RNF130: variants seen among roughly 807,000 people sequenced by gnomAD.
RNF130 encodes ring finger protein 130, also known as E3 ubiquitin-protein ligase RNF130.
In RNF130, 21 loss-of-function variants were observed where a neutral mutation model predicts 44.6. That is an observed-to-expected ratio of 0.47 (90% confidence interval 0.33 to 0.68). The LOEUF (loss-of-function observed/expected upper bound fraction) is 0.68, where lower values mean the gene tolerates loss of function less well. RNF130 is among the 30% of genes least tolerant of loss of function. The pLI, the probability that RNF130 is intolerant of heterozygous loss-of-function variation, is 0.02. For synonymous variants in RNF130, 214 were observed against 210.4 expected, an observed-to-expected ratio of 1.02 and a Z score of -0.15; for missense variants, 479 against 560.6, an observed-to-expected ratio of 0.85 and a Z score of 1.47.
intron 7 of RNF130, among the ~76,000 whole-genome samples, chr5:179,922,321 A>C (rs899919547): frequency 5.3e-5 from 8 of 151,902 alleles, no homozygotes; most frequent in African/African-American, 1.7e-4. Flanking sequence ...TTCTTTTTTT[A>C]ATTTTTTTTG....
intron 2 of RNF130, among the ~76,000 whole-genome samples, chr5:180,032,871 T>C (rs1413664180): frequency 3.3e-5 from 5 of 152,226 alleles, no homozygotes; most frequent in Non-Finnish European, 7.3e-5. Context: ...GTGATTTGCA[T>C]AGGTACATAC....
chr5:180,041,468 G>A (rs1038610583), intron 1 of RNF130, among the ~76,000 whole-genome samples: 1 of 152,172 alleles, frequency 6.6e-6, no homozygotes, highest in African/African-American at 2.4e-5. Flanking sequence ...GTCAGAGTAA[G>A]CGCCTCAATT....
At chr5:179,963,354 A>T in intron 8 of RNF130, 117 bp downstream of exon 8, 1 of 733,236 alleles carries the variant, frequency 1.4e-6, no homozygotes, top group Non-Finnish European at 2.4e-6. Flanking sequence ...ATACGATCCC[A>T]TCAGGATCCG....
chr5:180,000,813 T>C (rs1217473888), intron 3 of RNF130, among the ~76,000 whole-genome samples: 1 of 152,246 alleles, frequency 6.6e-6, no homozygotes. Flanking sequence ...ACACGTTTTC[T>C]TGTATCTCTC....
chr5:179,947,778 AGTAG>A (rs1393799724), intron 7 of RNF130, among the ~76,000 whole-genome samples: 3 of 152,240 alleles, frequency 2.0e-5, no homozygotes, highest in East Asian at 3.8e-4. Context: ...GTAAGTATAT[AGTAG>A]GTATACATTG....
chr5:179,924,786 C>T (rs1452950687), intron 7 of RNF130, among the ~76,000 whole-genome samples: 3 of 150,432 alleles, frequency 2.0e-5, no homozygotes, highest in Non-Finnish European at 4.4e-5. Context: ...GAGGCTATCT[C>T]AAAAAAAAAT....
chr5:180,018,888 C>A (rs1052621544), intron 2 of RNF130, among the ~76,000 whole-genome samples: 2 of 152,188 alleles, frequency 1.3e-5, no homozygotes, highest in Admixed American at 1.3e-4. Context: ...AACCCCGGGG[C>A]AAGCCCAGTG....
At chr5:179,960,282 A>G (rs924840484) in intron 8 of RNF130, among the ~76,000 whole-genome samples, 3 of 152,216 alleles carry the variant, frequency 2.0e-5, no homozygotes, top group Non-Finnish European at 2.9e-5. Flanking sequence ...TTCTTTGACT[A>G]CCATCCTGTT....
At chr5:179,981,490 C>A (rs184252473) in intron 3 of RNF130, among the ~76,000 whole-genome samples, 2 of 152,142 alleles carry the variant, frequency 1.3e-5, no homozygotes, top group Non-Finnish European at 1.5e-5. Flanking sequence ...TTTAATAAAG[C>A]CTTCCCTATG....
rs114136241 is a variant in RNF130, at chr5:179,945,292, A to G, written c.1150+21514T>C. Among the ~76,000 whole-genome samples, 283 of 152,184 alleles carry G rather than the reference A, an allele frequency of 1.9e-3. 1 individual carries two copies. The highest frequency in any genetic ancestry group is 6.5e-3 in the African/African-American group (269 of 41,504). ...GCAGGGTGTGCTGACTGCACCTGGGAAAACAGTGGGACCCAATGGACCCAA... is the reference window on the plus strand; with the variant it reads ...GCAGGGTGTGCTGACTGCACCTGGGGAAACAGTGGGACCCAATGGACCCAA... On this transcript the variant is annotated intron_variant, in intron 7 of 7. Coordinates refer to the RNF130 transcript ENST00000522208.
intron 3 of RNF130, among the ~76,000 whole-genome samples, chr5:179,993,814 G>A (rs951511386): frequency 6.6e-6 from 1 of 152,168 alleles, no homozygotes; most frequent in Non-Finnish European, 1.5e-5. Flanking sequence ...CCTATGTCCT[G>A]AATGGTATTG....
At chr5:179,912,319 C>T (rs571545710) in exon 8 of RNF130, 1 of 152,360 alleles carries the variant, frequency 6.6e-6, no homozygotes, top group Non-Finnish European at 1.5e-5. Flanking sequence ...AGGATGCTTC[C>T]ATCAGGTGAG....
At chr5:180,012,650 CT>C (rs1263111966) in intron 3 of RNF130, among the ~76,000 whole-genome samples, 1 of 152,158 alleles carries the variant, frequency 6.6e-6, no homozygotes, top group Non-Finnish European at 1.5e-5. Context: ...ATAGATAATA[CT>C]TTCCCAGTTC....
rs372986085 is a variant in RNF130 at position 180,002,543 on chromosome 5, G to A, written c.693+10518C>T. ...CTCCTTCTCTGTGGGGTGCATAGCC[G>A]GGTGGACTCAGCTGGGCTTAGTGCC... On this transcript the variant is annotated intron_variant, in intron 3 of 8. Coordinates refer to ENST00000521389, the MANE Select transcript of RNF130 (RefSeq NM_018434.6). Among the ~76,000 whole-genome samples, 17 of 152,290 alleles carry A rather than the reference G, an allele frequency of 1.1e-4. No homozygotes were observed. The East Asian group carries it at 1.9e-3, about 17-fold the overall frequency.
chr5:180,005,940 T>C (rs1445784552), intron 3 of RNF130, among the ~76,000 whole-genome samples: 2 of 152,232 alleles, frequency 1.3e-5, no homozygotes, highest in Non-Finnish European at 2.9e-5. Context: ...GAGCATATTT[T>C]GTGCTTTAAA....
chr5:179,918,523 G>A (rs551541821), exon 8 of RNF130: 2 of 152,248 alleles, frequency 1.3e-5, no homozygotes, highest in East Asian at 1.9e-4. Context: ...AAATGCAGAC[G>A]CGTGTCTGGA....
Position 179,974,965 on chromosome 5 carries a change from G to A in RNF130, c.848+3238C>T, listed in dbSNP as rs1213420589. 2.0e-5 allele frequency among the ~76,000 whole-genome samples: 3 copies of A among 152,264 alleles called. No individual in the cohort carries two copies. The East Asian group carries it at 5.8e-4, about 29-fold the overall frequency. Reference sequence around the variant, plus strand: ...AGTCAATGGTGAAGCGGTCCTCTGAGAGTGAAGAACAAGCGTGTGAGTTAA... The same window carrying A: ...AGTCAATGGTGAAGCGGTCCTCTGAAAGTGAAGAACAAGCGTGTGAGTTAA... On this transcript the variant is annotated intron_variant, in intron 5 of 8. Coordinates refer to ENST00000521389, the MANE Select transcript of RNF130 (RefSeq NM_018434.6).
intron 1 of RNF130, among the ~76,000 whole-genome samples, chr5:180,059,757 T>C (rs2113177621): frequency 6.6e-6 from 1 of 152,318 alleles, no homozygotes; most frequent in South Asian, 2.1e-4. Context: ...ACTGAAGGAA[T>C]AATCTGCAGA....
At chr5:179,987,930 T>C (rs1762992253) in intron 3 of RNF130, among the ~76,000 whole-genome samples, 1 of 152,232 alleles carries the variant, frequency 6.6e-6, no homozygotes, top group Non-Finnish European at 1.5e-5. Flanking sequence ...CATTTTCTTA[T>C]TTCGTTGTGC....
Sources: allele counts gnomAD v4.1 joint callset (sites outside exome capture counted in the v4.1 genomes callset), GRCh38; gene constraint gnomAD v4.1.1; transcripts MANE v1.5; gene names NCBI Gene and HGNC (gene_info 2026-07-23, HGNC 2026-07-21).